The following COIL variants were observed in gnomAD, a reference collection of about 807,000 sequenced individuals.
The protein encoded by COIL is coilin.
In COIL, 28 loss-of-function variants were observed where a neutral mutation model predicts 51.6. The ratio of observed to expected loss-of-function variants is 0.54; its 90% CI spans 0.40 to 0.74. The LOEUF (loss-of-function observed/expected upper bound fraction) is 0.74, where lower values mean the gene tolerates loss of function less well. Ranked by LOEUF, COIL falls within the 30% of genes least tolerant of loss-of-function variation. The probability of loss-of-function intolerance (pLI) is 0.00; values close to 1 mark genes in which losing one functional copy is unlikely to be tolerated. For synonymous variants in COIL, 233 were observed against 255.8 expected (o/e 0.91, Z 0.85); for missense variants, 667 against 685.9 (o/e 0.97, Z 0.31).
Position 56,950,117 on chromosome 17 carries a change from A to C in COIL, c.1125T>G (p.Gly375=), listed in dbSNP as rs1567852833. The C allele has an allele frequency of 6.2e-7, 1 of 1,614,152 alleles. No individual in the cohort carries two copies. Among genetic ancestry groups the C allele is most frequent in the Non-Finnish European group, 8.5e-7 (1 of 1,180,016 alleles). ...TGGGAGAAGCACCAGGAGCCTGTCC[A>C]CCACCATTTGAGCCAGAACGCCTCC... ...AGWRRSGSNG[G]GQAPGASPSV... is the part of the protein sequence containing the mutation. Residue 375 remains glycine, a synonymous_variant, in exon 2 of 7, where the codon GGT becomes GGG. Transcript: ENST00000240316.
intron 4 of COIL, among the ~76,000 whole-genome samples, chr17:56,948,517 CTA>C (rs1463861266): frequency 1.3e-5 from 2 of 151,850 alleles, no homozygotes; most frequent in Admixed American, 6.6e-5. Flanking sequence ...TGTATTTTAT[CTA>C]TGTTACTATA....
intron 1 of COIL, among the ~76,000 whole-genome samples, chr17:56,956,616 G>A (rs1016265469): frequency 2.0e-5 from 3 of 151,908 alleles, no homozygotes; most frequent in African/African-American, 7.3e-5. Flanking sequence ...TTTTGAGGTA[G>A]GGTCTCACTC....
In COIL at chr17:56,950,809, C is replaced by T. The variant is rs61731978; in HGVS notation, c.433G>A (p.Val145Ile). The T allele has an allele frequency of 0.12, 191,215 of 1,613,790 alleles. 12,512 individuals are homozygous for T. Among genetic ancestry groups the T allele is most frequent in the Admixed American group, 0.2 (11,928 of 59,972 alleles). The change falls in exon 2 of 7, where the codon GTC (valine) becomes ATC (isoleucine). Residue 145 changes from valine (V) to isoleucine (I), a missense_variant. By Grantham distance (29) the Val-to-Ile change is conservative (BLOSUM62 3). Transcript: ENST00000240316. ...SRENNNNNEK[V>I]LDLEPKAVTD... ...ACAGCTTTTGGTTCCAGATCCAAGA[C>T]CTTCTCATTATTGTTATTGTTCTCT...
intron 1 of COIL, among the ~76,000 whole-genome samples, chr17:56,957,450 T>C (rs1407579582): frequency 6.6e-6 from 1 of 151,812 alleles, no homozygotes; most frequent in Non-Finnish European, 1.5e-5. Flanking sequence ...TGAAACCCCA[T>C]CTCTACTAAA....
chr17:56,958,813 G>C (rs1418546795), intron 1 of COIL, among the ~76,000 whole-genome samples: 1 of 152,142 alleles, frequency 6.6e-6, no homozygotes, highest in Admixed American at 6.5e-5. Flanking sequence ...AAAACTCTTT[G>C]AAATTTGGAT....
intron 1 of COIL, among the ~76,000 whole-genome samples, chr17:56,957,131 C>T (rs1231018218): frequency 6.6e-6 from 1 of 151,332 alleles, no homozygotes; most frequent in African/African-American, 2.4e-5. Context: ...ACCTGTAGTC[C>T]CAGCTACTCA....
intron 1 of COIL, among the ~76,000 whole-genome samples, chr17:56,957,204 G>A (rs768987411): frequency 5.0e-4 from 76 of 151,920 alleles, no homozygotes; most frequent in Admixed American, 1.7e-3. Flanking sequence ...CCAAGGTTGC[G>A]CCACTGCACT....
intron 5 of COIL, among the ~76,000 whole-genome samples, chr17:56,943,762 G>C (rs1223290033): frequency 1.3e-5 from 2 of 152,168 alleles, no homozygotes; most frequent in African/African-American, 4.8e-5. Flanking sequence ...GTTGCTGGGG[G>C]ACTAGTATTA....
rs1567850911 is a variant in COIL at position 56,943,251 on chromosome 17, A to T, written c.1559-1128T>A. ...CTTTGAACTTCTAATGTCGTGAAATAGCTCAAAGAATTTGTTTTTTACTTT... is the reference window on the plus strand; with the variant it reads ...CTTTGAACTTCTAATGTCGTGAAATTGCTCAAAGAATTTGTTTTTTACTTT... On this transcript the variant is annotated intron_variant, in intron 5 of 6. Coordinates refer to ENST00000240316, the MANE Select transcript of COIL (RefSeq NM_004645.3). 1.3e-5 allele frequency among the ~76,000 whole-genome samples: 2 copies of T among 152,382 alleles called. 1 individual carries two copies. The highest frequency in any genetic ancestry group is 3.9e-4 in the East Asian group (2 of 5,192).
intron 1 of COIL, chr17:56,952,147 T>TAC (rs1910385708): frequency 2.1e-6 from 1 of 469,084 alleles, no homozygotes; most frequent in Non-Finnish European, 4.2e-6. Flanking sequence ...GAAGCATGGT[T>TAC]ACACTGGCAA....
At chr17:56,941,398 C>T (rs2240216) in intron 6 of COIL, 12,457 of 152,146 alleles carry the variant, frequency 0.082, 619 homozygotes, top group East Asian at 0.2. Flanking sequence ...GGTAAAACCC[C>T]GTCTCTACCA....
rs545225594 is a variant in COIL at position 56,950,530 on chromosome 17, C to T, written c.712G>A (p.Val238Ile). The change falls in exon 2 of 7, where the codon GTT (valine) becomes ATT (isoleucine). Residue 238 changes from valine to isoleucine, a missense_variant. Coordinates refer to ENST00000240316, the MANE Select transcript of COIL (RefSeq NM_004645.3). ...VKAKRKGSVS[V>I]CSKESPSSSS... Reference sequence around the variant, plus strand: ...GAACTGGGACTCTCTTTTGAGCAAACGCTTACACTACCTTTCCTTTTGGCT... The same window carrying T: ...GAACTGGGACTCTCTTTTGAGCAAATGCTTACACTACCTTTCCTTTTGGCT... 2.3e-5 allele frequency: 37 copies of T among 1,614,194 alleles called. No homozygotes were observed. The highest frequency in any genetic ancestry group is 2.9e-5 in the Non-Finnish European group (34 of 1,180,032).
intron 1 of COIL, 21 bp from the exon 2 acceptor site, chr17:56,951,017 A>G: frequency 6.3e-7 from 1 of 1,575,604 alleles, no homozygotes; most frequent in Non-Finnish European, 8.5e-7. Context: ...AACAAGAGAG[A>G]AAGCTAGAGT....
Position 56,953,983 on chromosome 17 carries a change from T to C in COIL, c.246-2987A>G, listed in dbSNP as rs1307817043. On this transcript the variant is annotated intron_variant, in intron 1 of 6. Transcript: ENST00000240316. ...CATCCTGTGAATCTAAGAACTACCA[T>C]GGAAGCGCTACAATATCAGATTTTT... 2.6e-5 allele frequency among the ~76,000 whole-genome samples: 4 copies of C among 152,314 alleles called. No individual in the cohort carries two copies. In the South Asian group the frequency reaches 6.2e-4, roughly 24 times the overall value.
In COIL at chr17:56,947,058, T is replaced by C. The variant is rs190633547; in HGVS notation, c.1489-547A>G. Among the ~76,000 whole-genome samples, 479 of 152,246 alleles carry C rather than the reference T, an allele frequency of 3.1e-3. 5 individuals carry two copies. Among genetic ancestry groups the C allele is most frequent in the African/African-American group, 0.011 (463 of 41,540 alleles). On this transcript the variant is annotated intron_variant, in intron 4 of 6. Coordinates refer to ENST00000240316, the MANE Select transcript of COIL (RefSeq NM_004645.3). ...CCAGGTCTCCAGCTGTGGGAGCTGA[T>C]TTTCTAATGCATCAAGAGGATGCAC...
At chr17:56,952,868 T>C (rs1388845179) in intron 1 of COIL, among the ~76,000 whole-genome samples, 2 of 152,140 alleles carry the variant, frequency 1.3e-5, no homozygotes, top group South Asian at 2.1e-4. Context: ...AATTTCACTA[T>C]AGGAAAGCAA....
chr17:56,960,316 G>A (rs1267836350), intron 1 of COIL, among the ~76,000 whole-genome samples: 1 of 151,398 alleles, frequency 6.6e-6, no homozygotes, highest in Non-Finnish European at 1.5e-5. Flanking sequence ...CTGAGGTCAG[G>A]AGTTCGAGAC....
chr17:56,950,635 G>C lies in COIL; in HGVS notation c.607C>G (p.Pro203Ala). 1 of 1,612,746 alleles carries C rather than the reference G, an allele frequency of 6.2e-7. No individual in the cohort carries two copies. Among genetic ancestry groups the C allele is most frequent in the Non-Finnish European group, 8.5e-7 (1 of 1,179,688 alleles). The change falls in exon 2 of 7, where the codon CCG becomes GCG. Residue 203 changes from proline to alanine, a missense_variant. By Grantham distance (27) the Pro-to-Ala change is conservative. Transcript: ENST00000240316. ...YKKKAKNPKSPKVQAVKDWAN... is the reference protein window; with the variant it reads ...YKKKAKNPKSAKVQAVKDWAN... ...CAGTCTTTCACTGCCTGTACTTTCGGAGACTTGGGATTCTTAGCCTTTTTT... is the reference window on the plus strand; with the variant it reads ...CAGTCTTTCACTGCCTGTACTTTCGCAGACTTGGGATTCTTAGCCTTTTTT...
intron 1 of COIL, among the ~76,000 whole-genome samples, chr17:56,954,458 A>G (rs3785476): frequency 0.17 from 26,225 of 151,912 alleles, 2,543 homozygotes; most frequent in African/African-American, 0.25. Context: ...CTACTCGGGA[A>G]GCTGAGGCAG....
Sources: allele counts gnomAD v4.1 joint callset (sites outside exome capture counted in the v4.1 genomes callset), GRCh38; gene constraint gnomAD v4.1.1; transcripts MANE v1.5; gene names NCBI Gene and HGNC (gene_info 2026-07-23, HGNC 2026-07-21).